The following UBE3D variants were observed in gnomAD, a reference collection of about 807,000 sequenced individuals.
UBE3D encodes E3 ubiquitin-protein ligase E3D.
UBE3D carries 48 observed loss-of-function variants against 49.6 expected under a neutral mutation model. The ratio of observed to expected loss-of-function variants is 0.97; its 90% CI spans 0.77 to 1.23. The LOEUF is 1.23. Among genes scored for constraint, UBE3D ranks in the 50% most tolerant of loss-of-function variants. The pLI, the probability that UBE3D is intolerant of heterozygous loss-of-function variation, is 0.00. For synonymous variants in UBE3D, 189 were observed against 174.2 expected (o/e 1.08, Z -0.67); for missense variants, 452 against 468.4 (o/e 0.96, Z 0.32).
chr6:82,990,033 G>C (rs1246822106), intron 8 of UBE3D, among the ~76,000 whole-genome samples: 5 of 152,154 alleles, frequency 3.3e-5, no homozygotes, highest in Non-Finnish European at 7.3e-5. Flanking sequence ...GAATTTGCTG[G>C]AAGTGAAGCT....
intron 8 of UBE3D, among the ~76,000 whole-genome samples, chr6:82,986,255 G>A (rs1407528084): frequency 6.6e-6 from 1 of 151,606 alleles, no homozygotes; most frequent in African/African-American, 2.4e-5. Context: ...GGCAGATTAC[G>A]AGGTCAGGAG....
intron 1 of UBE3D, among the ~76,000 whole-genome samples, chr6:83,059,948 T>C (rs937877787): frequency 6.6e-6 from 1 of 152,156 alleles, no homozygotes; most frequent in Non-Finnish European, 1.5e-5. Context: ...AGAGCCTGTC[T>C]TAGCTCAGCT....
chr6:82,953,861 G>A (rs1311547849), intron 9 of UBE3D, among the ~76,000 whole-genome samples: 4 of 152,198 alleles, frequency 2.6e-5, no homozygotes, highest in Non-Finnish European at 4.4e-5. Flanking sequence ...GAAGAAGGGG[G>A]GTCAGGTTGG....
At chr6:82,968,561 T>C (rs1777117267) in intron 8 of UBE3D, among the ~76,000 whole-genome samples, 1 of 152,204 alleles carries the variant, frequency 6.6e-6, no homozygotes, top group Non-Finnish European at 1.5e-5. Flanking sequence ...TTGTTTGGAA[T>C]AGAATCTCAA....
chr6:83,008,897 CAA>C (rs1233723276), intron 8 of UBE3D, among the ~76,000 whole-genome samples: 2 of 152,130 alleles, frequency 1.3e-5, no homozygotes, highest in Admixed American at 6.6e-5. Flanking sequence ...AAAAATAAAA[CAA>C]AAGTAGTTAC....
intron 8 of UBE3D, among the ~76,000 whole-genome samples, chr6:83,006,565 C>G (rs1014609374): frequency 1.3e-5 from 2 of 152,180 alleles, no homozygotes; most frequent in African/African-American, 4.8e-5. Flanking sequence ...GCCAGGAAGA[C>G]AGCCCTCACG....
At chr6:83,037,557 C>A (rs1430307157) in intron 5 of UBE3D, 2 of 152,134 alleles carry the variant, frequency 1.3e-5, no homozygotes, top group African/African-American at 4.8e-5. Flanking sequence ...TCACTGTGAA[C>A]AAGTAACTTC....
At chr6:82,906,510 CT>C (rs1316889872) in intron 9 of UBE3D, among the ~76,000 whole-genome samples, 1 of 152,176 alleles carries the variant, frequency 6.6e-6, no homozygotes, top group Non-Finnish European at 1.5e-5. Context: ...AATTTGATTA[CT>C]TTTTCCCTCA....
At chr6:83,025,882 T>TAAAAAA (rs70987730) in intron 5 of UBE3D, among the ~76,000 whole-genome samples, 9 of 90,318 alleles carry the variant, frequency 1.0e-4, no homozygotes, top group Admixed American at 1.4e-4. Flanking sequence ...GACTCCATCT[T>TAAAAAA]AAAAAAAAAA....
chr6:83,003,564 G>A (rs1457479466), intron 8 of UBE3D, among the ~76,000 whole-genome samples: 1 of 152,154 alleles, frequency 6.6e-6, no homozygotes, highest in Non-Finnish European at 1.5e-5. Flanking sequence ...TGCATTATTA[G>A]GCAATTTTGT....
intron 8 of UBE3D, among the ~76,000 whole-genome samples, chr6:82,958,385 T>C (rs909527110): frequency 4.4e-4 from 67 of 152,312 alleles, no homozygotes; most frequent in African/African-American, 1.5e-3. Context: ...ATAATATTTA[T>C]ATTGGTTTAT....
intron 9 of UBE3D, among the ~76,000 whole-genome samples, chr6:82,950,708 T>C (rs1302059510): frequency 6.6e-6 from 1 of 152,114 alleles, no homozygotes; most frequent in Non-Finnish European, 1.5e-5. Flanking sequence ...AACCGAAGTG[T>C]CCATCAACAG....
At chr6:82,979,385 T>C (rs988815615) in intron 8 of UBE3D, among the ~76,000 whole-genome samples, 3 of 152,070 alleles carry the variant, frequency 2.0e-5, no homozygotes, top group African/African-American at 7.2e-5. Context: ...CTGAGAGAAA[T>C]TTTGCTCCTC....
At chr6:83,020,147 A>G (rs1303933332) in intron 7 of UBE3D, among the ~76,000 whole-genome samples, 2 of 152,240 alleles carry the variant, frequency 1.3e-5, no homozygotes, top group Admixed American at 1.3e-4. Flanking sequence ...ATATTACATT[A>G]GAAAGATCCA....
intron 8 of UBE3D, among the ~76,000 whole-genome samples, chr6:82,971,984 G>C (rs1777385764): frequency 6.6e-6 from 1 of 152,168 alleles, no homozygotes; most frequent in South Asian, 2.1e-4. Flanking sequence ...TTGGTTGGCA[G>C]TGATTGTGTT....
intron 9 of UBE3D, among the ~76,000 whole-genome samples, chr6:82,903,634 T>C (rs73475775): frequency 0.043 from 6,476 of 152,218 alleles, 425 homozygotes; most frequent in African/African-American, 0.15. Flanking sequence ...TATTTACTAC[T>C]CAGACATTCC....
At chr6:83,032,981 G>A (rs1029686996) in intron 5 of UBE3D, among the ~76,000 whole-genome samples, 5 of 152,062 alleles carry the variant, frequency 3.3e-5, no homozygotes, top group Non-Finnish European at 5.9e-5. Context: ...CCAGTCTTGG[G>A]TATGTGTTTA....
intron 8 of UBE3D, among the ~76,000 whole-genome samples, chr6:82,975,681 A>G (rs180821446): frequency 6.6e-6 from 1 of 152,216 alleles, no homozygotes; most frequent in Non-Finnish European, 1.5e-5. Context: ...CATCTTAACA[A>G]GTAAACTCAA....
At chr6:82,925,834 T>C (rs369014131) in intron 9 of UBE3D, among the ~76,000 whole-genome samples, 1 of 152,132 alleles carries the variant, frequency 6.6e-6, no homozygotes, top group East Asian at 1.9e-4. Context: ...TACCAAAATA[T>C]TAAATAAATA....
Sources: allele counts gnomAD v4.1 joint callset (sites outside exome capture counted in the v4.1 genomes callset), GRCh38; gene constraint gnomAD v4.1.1; transcripts MANE v1.5; gene names NCBI Gene and HGNC (gene_info 2026-07-23, HGNC 2026-07-21).